The following ERN2 variants were observed in gnomAD, a reference collection of about 807,000 sequenced individuals.
ERN2 encodes serine/threonine-protein kinase/endoribonuclease IRE2.
A neutral mutation model predicts 107.9 loss-of-function variants in ERN2; 111 were observed. That is an observed-to-expected ratio of 1.03 (90% CI 0.88 to 1.20). The LOEUF (loss-of-function observed/expected upper bound fraction) is 1.20, where lower values mean the gene tolerates loss of function less well. ERN2 is among the 50% of genes most tolerant of loss of function. The probability of loss-of-function intolerance (pLI) is 0.00; values close to 1 mark genes in which losing one functional copy is unlikely to be tolerated. For synonymous variants in ERN2, 524 were observed against 501.7 expected (o/e 1.04, Z -0.59); for missense variants, 1,225 against 1,197.9 (o/e 1.02, Z -0.33).
chr16:23,700,170 C>A (rs1283871323), intron 13 of ERN2, among the ~76,000 whole-genome samples: 3 of 151,882 alleles, frequency 2.0e-5, no homozygotes, highest in African/African-American at 7.3e-5. Flanking sequence ...CTCTGCAAAA[C>A]AAAACAAAAC....
Position 23,702,408 on chromosome 16 carries a change from T to C in ERN2, c.1063A>G (p.Ser355Gly). 1 of 1,613,644 alleles carries C rather than the reference T, an allele frequency of 6.2e-7. No individual in the cohort carries two copies. Among genetic ancestry groups the C allele is most frequent in the Non-Finnish European group, 8.5e-7 (1 of 1,179,900 alleles). Reference sequence around the variant, plus strand: ...ATCTCACCAATGAGCAGCCACTGGCTTGGGAGGGCCACACTGCCTGAGGGG... The same window carrying C: ...ATCTCACCAATGAGCAGCCACTGGCCTGGGAGGGCCACACTGCCTGAGGGG... Reference protein sequence around the residue: ...RYPSGSVALPSQWLLIGHHEL... With the variant: ...RYPSGSVALPGQWLLIGHHEL... The change falls in exon 10 of 22, where the codon AGC becomes GGC. Residue 355 changes from serine to glycine, a missense_variant. Physicochemically the swap from Ser to Gly is moderately conservative, Grantham distance 56. Coordinates refer to ENST00000256797, the MANE Select transcript of ERN2 (RefSeq NM_033266.4).
In ERN2 at chr16:23,711,794, C is replaced by G. The variant is rs116346456; in HGVS notation, c.94-776G>C. Among the ~76,000 whole-genome samples the G allele has an allele frequency of 5.5e-3, 841 of 152,292 alleles. 9 individuals are homozygous for G. The highest frequency in any genetic ancestry group is 0.019 in the African/African-American group (807 of 41,556). ...AAAACTAAGGACTTGAGTTGCCATC[C>G]CTCTGATTCCTATGCCTGGCCTCTT... On this transcript the variant is annotated intron_variant, in intron 1 of 21. Transcript: ENST00000256797.
chr16:23,705,208 G>A, intron 7 of ERN2, 61 bp from the exon 8 acceptor site: 8 of 1,572,302 alleles, frequency 5.1e-6, no homozygotes, highest in Non-Finnish European at 6.9e-6. Flanking sequence ...GTCCAAGGGT[G>A]TGCCCTCTGG....
At position 23,708,656 on chromosome 16, in the gene ERN2, C is replaced by T. The variant is rs12597144; in HGVS notation, c.306+1516G>A. Among the ~76,000 whole-genome samples, 306 of 152,232 alleles carry T rather than the reference C, an allele frequency of 2.0e-3. 10 individuals carry two copies. In the East Asian group the frequency reaches 0.055, roughly 27 times the overall value. On this transcript the variant is annotated intron_variant, in intron 4 of 21. Transcript: ENST00000256797. ...TACAGGCATAAGCCACCGTGCCCAG[C>T]CAGTGCTGTTCTTGTAATAGAGTTC...
chr16:23,705,318 A>G (rs1010996597), intron 7 of ERN2, among the ~76,000 whole-genome samples, 171 bp from the exon 8 acceptor site: 1 of 152,186 alleles, frequency 6.6e-6, no homozygotes, highest in African/African-American at 2.4e-5. Flanking sequence ...CGAGGCCATC[A>G]GTCAGGGTCA....
intron 4 of ERN2, 70 bp from the exon 5 acceptor site, chr16:23,707,149 C>T: frequency 9.3e-7 from 1 of 1,070,122 alleles, no homozygotes; most frequent in East Asian, 2.4e-5. Flanking sequence ...CCAGGTGAGC[C>T]CATTTCCATA....
rs548992466 is a variant in ERN2, at chr16:23,692,034, G to A, written c.2305C>T (p.Arg769Cys). 9.9e-6 allele frequency: 16 copies of A among 1,613,904 alleles called. No homozygotes were observed. In the South Asian group the frequency reaches 1.2e-4, roughly 12 times the overall value. Residue 769 changes from arginine (R) to cysteine (C), a missense_variant, in exon 19 of 22, where the codon CGC (arginine) becomes TGC (cysteine). Transcript: ENST00000256797. ...GCCAGCACCTGGGGGGCAGAGGGGCGTGGCTGCGGCAGTGGGCTCAACATG... is the reference window on the plus strand; with the variant it reads ...GCCAGCACCTGGGGGGCAGAGGGGCATGGCTGCGGCAGTGGGCTCAACATG... The part of the protein sequence containing the change: ...GAMLSPLPQP[R>C]PSAPQVLAHP...
chr16:23,691,819 G>A, intron 19 of ERN2, 144 bp downstream of exon 19: 1 of 1,172,630 alleles, frequency 8.5e-7, no homozygotes, highest in Non-Finnish European at 1.2e-6. Context: ...AGTCCAGGCT[G>A]GCTCCCAGTT....
chr16:23,710,809 C>A, intron 2 of ERN2, 104 bp downstream of exon 2: 1 of 947,208 alleles, frequency 1.1e-6, no homozygotes, highest in South Asian at 1.5e-5. Flanking sequence ...TAGATACCAG[C>A]TTATTGGATT....
Position 23,691,324 on chromosome 16 carries a change from G to T in ERN2, c.2478C>A (p.His826Gln). 1 of 1,609,624 alleles carries T rather than the reference G, an allele frequency of 6.2e-7. No individual in the cohort carries two copies. The change falls in exon 20 of 22, where the codon CAC (histidine) becomes CAA (glutamine). Residue 826 changes from histidine (H) to glutamine (Q), a missense_variant. Coordinates refer to ENST00000256797, the MANE Select transcript of ERN2 (RefSeq NM_033266.4). ...CAVVRDNWHE[H>Q]ISMPLQTDLR... Reference sequence around the variant, plus strand: ...TACCTGTCTGCAGCGGCATGGAGATGTGCTCGTGCCAGTTGTCCCGGACCA... The same window carrying T: ...TACCTGTCTGCAGCGGCATGGAGATTTGCTCGTGCCAGTTGTCCCGGACCA...
intron 7 of ERN2, among the ~76,000 whole-genome samples, chr16:23,705,774 C>T (rs567621240): frequency 2.0e-4 from 30 of 152,242 alleles, no homozygotes; most frequent in African/African-American, 7.2e-4. Flanking sequence ...ATGAGCCAGG[C>T]TTGGTGGTAC....
At chr16:23,695,445 G>A (rs1478580156) in intron 14 of ERN2, 56 bp from the exon 15 acceptor site, 2 of 1,501,312 alleles carry the variant, frequency 1.3e-6, no homozygotes, top group East Asian at 2.4e-5. Flanking sequence ...CAGATAAAGG[G>A]ACAAACATGG....
intron 1 of ERN2, 26 bp from the exon 2 acceptor site, chr16:23,711,044 G>T (rs752384546): frequency 2.0e-6 from 3 of 1,531,436 alleles, no homozygotes; most frequent in South Asian, 1.1e-5. Flanking sequence ...GACAAAGTCA[G>T]CTCTCTGAGG....
rs571051287 is a variant in ERN2, at chr16:23,695,920, G to A, written c.1584C>T (p.Arg528=). 71 of 1,614,082 alleles carry A rather than the reference G, an allele frequency of 4.4e-5. No homozygotes were observed. The South Asian group carries it at 6.8e-4, about 15-fold the overall frequency. ...ISFNPKDVLG[R]GAGGTFVFRG... is the part of the protein sequence containing the mutation. ...GGAAAACGAAAGTCCCGCCTGCCCC[G>A]CGGCCCAGCACGTCCTTGGGATTGA... Residue 528 remains arginine (R), a synonymous_variant, in exon 14 of 22, where the codon CGC becomes CGT. Coordinates refer to ENST00000256797, the MANE Select transcript of ERN2 (RefSeq NM_033266.4).
In ERN2 at chr16:23,702,534, G is replaced by A. The variant is rs191401186; in HGVS notation, c.937C>T (p.Arg313Cys). The A allele has an allele frequency of 7.4e-5, 119 of 1,614,016 alleles. No homozygotes were observed. Among genetic ancestry groups the A allele is most frequent in the Middle Eastern group, 3.3e-4 (2 of 6,060 alleles). ...LVHTGVALVPRGLTLAPADGP... is the reference protein window; with the variant it reads ...LVHTGVALVPCGLTLAPADGP... The stretch of plus-strand genomic sequence containing the variant: ...TCTGCGGGGGCCAGGGTCAGTCCAC[G>A]AGGCTATGGCAGAAGATGGAGAGCC... The change falls in exon 10 of 22, where the codon CGT becomes TGT. Residue 313 changes from arginine (R) to cysteine (C), a missense_variant. Coordinates refer to ENST00000256797, the MANE Select transcript of ERN2 (RefSeq NM_033266.4).
intron 4 of ERN2, chr16:23,709,173 G>A (rs1468779554): frequency 4.4e-6 from 2 of 455,680 alleles, no homozygotes; most frequent in Non-Finnish European, 8.8e-6. Context: ...GTGTGTACCT[G>A]TAGTTCCAGC....
In ERN2 at chr16:23,695,903, A is replaced by G. The variant is rs773955796; in HGVS notation, c.1601T>C (p.Phe534Ser). The change falls in exon 14 of 22, where the codon TTC becomes TCC. Residue 534 changes from phenylalanine to serine, a missense_variant. Coordinates refer to ENST00000256797, the MANE Select transcript of ERN2 (RefSeq NM_033266.4). ...CCTGGCTGCCACTCACCGGAAAACG[A>G]AAGTCCCGCCTGCCCCGCGGCCCAG... is the stretch of plus-strand genomic sequence containing the variant. ...DVLGRGAGGT[F>S]VFRGQFEGRA... 5 of 1,613,870 alleles carry G rather than the reference A, an allele frequency of 3.1e-6. No individual in the cohort carries two copies. Among genetic ancestry groups the G allele is most frequent in the South Asian group, 1.1e-5 (1 of 91,078 alleles).
At chr16:23,698,243 G>T (rs1193891993) in intron 13 of ERN2, among the ~76,000 whole-genome samples, 1 of 152,182 alleles carries the variant, frequency 6.6e-6, no homozygotes, top group Non-Finnish European at 1.5e-5. Flanking sequence ...CATGCATTTG[G>T]ACCCCTGAGC....
Position 23,693,601 on chromosome 16 carries a change from A to AATAT in ERN2, c.2100+1123_2100+1126dup, listed in dbSNP as rs1555466491. 9.4e-3 allele frequency among the ~76,000 whole-genome samples: 1,382 copies of AATAT among 147,764 alleles called. 20 individuals carry two copies. The highest frequency in any genetic ancestry group is 0.015 in the African/African-American group (603 of 39,966). ...CGAAACTCCATCTCAAAAAAAAAAAAATATATATATATATAGGCCACTAAT... is the reference window on the plus strand; with the variant it reads ...CGAAACTCCATCTCAAAAAAAAAAAAATATATATATATATATATAGGCCACTAAT... On this transcript the variant is annotated intron_variant, in intron 17 of 21. Coordinates refer to ENST00000256797, the MANE Select transcript of ERN2 (RefSeq NM_033266.4).
Sources: gnomAD v4.1 joint callset for allele counts (sites outside exome capture counted in the v4.1 genomes callset) on GRCh38, gnomAD v4.1.1 for gene constraint, MANE v1.5 for transcripts, NCBI Gene and HGNC (gene_info 2026-07-23, HGNC 2026-07-21) for gene names.